The following RSRC1 variants were observed in gnomAD, a reference collection of about 807,000 sequenced individuals.
RSRC1 encodes the protein arginine and serine rich coiled-coil 1, also known as serine/Arginine-related protein 53.
RSRC1 carries 39 observed loss-of-function variants against 49.1 expected under a neutral mutation model. The ratio of observed to expected loss-of-function variants is 0.79; its 90% CI spans 0.61 to 1.04. The LOEUF is 1.04. Among genes scored for constraint, RSRC1 ranks in the 50% least tolerant of loss-of-function variants. RSRC1 has a pLI of 0.00. For missense variants in RSRC1, 388 were observed against 402.4 expected (o/e 0.96, Z 0.31); for synonymous variants, 143 against 130.8 (o/e 1.09, Z -0.63).
intron 7 of RSRC1, among the ~76,000 whole-genome samples, chr3:158,526,230 A>C (rs530134063): frequency 2.0e-5 from 3 of 152,084 alleles, no homozygotes; most frequent in Non-Finnish European, 4.4e-5. Context: ...AAAGTTGTAC[A>C]TAAAATTGAT....
chr3:158,494,266 T>C (rs9810114), intron 7 of RSRC1, among the ~76,000 whole-genome samples: 77,937 of 151,748 alleles, frequency 0.51, 20,537 homozygotes, highest in African/African-American at 0.62. Context: ...GCATTCATAA[T>C]GCACTGGTAA....
chr3:158,456,910 T>C (rs974405143), intron 6 of RSRC1, among the ~76,000 whole-genome samples: 5 of 152,154 alleles, frequency 3.3e-5, no homozygotes, highest in Non-Finnish European at 5.9e-5. Flanking sequence ...TTAAATGGTA[T>C]GTGAAGGATT....
In RSRC1 at chr3:158,270,247, A is replaced by G. The variant is rs572328480; in HGVS notation, c.495-27792A>G. 2.6e-5 allele frequency among the ~76,000 whole-genome samples: 4 copies of G among 152,284 alleles called. No homozygotes were observed. In the South Asian group the frequency reaches 8.3e-4, roughly 32 times the overall value. ...GCTGTGTTTGCTTAAAGCTAACCCC[A>G]GGGATCTAATAAGGGAAGGAGGCTG... On this transcript the variant is annotated intron_variant, in intron 4 of 9. Transcript: ENST00000611884.
intron 8 of RSRC1, among the ~76,000 whole-genome samples, chr3:158,540,400 A>G (rs1231687235): frequency 2.0e-5 from 3 of 152,206 alleles, no homozygotes; most frequent in Admixed American, 1.3e-4. Context: ...ACATTTGAAA[A>G]TAATTTATAG....
chr3:158,210,638 C>T (rs1211077415), intron 4 of RSRC1, among the ~76,000 whole-genome samples: 1 of 151,850 alleles, frequency 6.6e-6, no homozygotes. Flanking sequence ...TGTTGTTGGC[C>T]ATTTTATATT....
chr3:158,192,622 C>T (rs1300201310), intron 3 of RSRC1, among the ~76,000 whole-genome samples: 9 of 151,996 alleles, frequency 5.9e-5, no homozygotes, highest in African/African-American at 2.2e-4. Context: ...AAAATGTGAT[C>T]AGACTCTGCT....
chr3:158,118,159 G>A (rs1714972197), intron 1 of RSRC1, among the ~76,000 whole-genome samples: 5 of 151,838 alleles, frequency 3.3e-5, no homozygotes, highest in African/African-American at 1.2e-4. Flanking sequence ...CATGTTGGCG[G>A]GGCTGGTCTC....
chr3:158,210,901 A>G (rs1721636218), intron 4 of RSRC1, among the ~76,000 whole-genome samples: 1 of 152,066 alleles, frequency 6.6e-6, no homozygotes, highest in Non-Finnish European at 1.5e-5. Flanking sequence ...GACTTGAATT[A>G]TGCCTGATAA....
chr3:158,309,690 A>G (rs1728026102), intron 5 of RSRC1, among the ~76,000 whole-genome samples: 1 of 151,772 alleles, frequency 6.6e-6, no homozygotes, highest in Non-Finnish European at 1.5e-5. Flanking sequence ...GCATAATTTT[A>G]TTTATATATT....
chr3:158,461,276 A>G (rs1737597294), intron 7 of RSRC1, among the ~76,000 whole-genome samples: 1 of 151,838 alleles, frequency 6.6e-6, no homozygotes, highest in Non-Finnish European at 1.5e-5. Context: ...TCTGACTTTT[A>G]TAGTTAAAAA....
At chr3:158,280,813 A>G (rs1397222561) in intron 4 of RSRC1, among the ~76,000 whole-genome samples, 1 of 151,664 alleles carries the variant, frequency 6.6e-6, no homozygotes, top group African/African-American at 2.4e-5. Flanking sequence ...CGCCCTGCCA[A>G]TTTTTTGTAT....
At chr3:158,265,289 A>C (rs929530979) in intron 4 of RSRC1, among the ~76,000 whole-genome samples, 1 of 152,180 alleles carries the variant, frequency 6.6e-6, no homozygotes, top group East Asian at 1.9e-4. Flanking sequence ...GCAGAAGTAT[A>C]AATGTGTTCT....
intron 7 of RSRC1, among the ~76,000 whole-genome samples, chr3:158,514,740 G>A (rs927382777): frequency 2.6e-5 from 4 of 152,052 alleles, no homozygotes; most frequent in African/African-American, 9.7e-5. Context: ...CATTATTAAT[G>A]TGTGGGAGTC....
intron 5 of RSRC1, among the ~76,000 whole-genome samples, chr3:158,319,375 G>T (rs984533034): frequency 6.6e-6 from 1 of 152,040 alleles, no homozygotes; most frequent in African/African-American, 2.4e-5. Flanking sequence ...GTTTCCTGAG[G>T]CCTCCCCAGC....
intron 1 of RSRC1, among the ~76,000 whole-genome samples, chr3:158,113,961 A>G (rs1057137018): frequency 2.0e-5 from 3 of 151,928 alleles, no homozygotes; most frequent in African/African-American, 7.3e-5. Flanking sequence ...GTTCGTTCTG[A>G]TGATAATTTC....
intron 5 of RSRC1, among the ~76,000 whole-genome samples, chr3:158,300,790 G>T (rs1727499923): frequency 6.6e-6 from 1 of 152,232 alleles, no homozygotes; most frequent in Admixed American, 6.5e-5. Flanking sequence ...AGAGAGCATT[G>T]TTCTAAGGGG....
intron 2 of RSRC1, among the ~76,000 whole-genome samples, chr3:158,123,014 A>G (rs990888417): frequency 2.6e-5 from 4 of 152,030 alleles, no homozygotes; most frequent in African/African-American, 7.3e-5. Context: ...AGCCTTTGCT[A>G]TTGTGAACAG....
intron 1 of RSRC1, among the ~76,000 whole-genome samples, chr3:158,120,257 C>T (rs77952659): frequency 0.025 from 3,853 of 152,138 alleles, 76 homozygotes; most frequent in Non-Finnish European, 0.038. Flanking sequence ...ACCAAGTCTT[C>T]CCAGTGTTTT....
At chr3:158,421,216 C>T (rs928280325) in intron 6 of RSRC1, among the ~76,000 whole-genome samples, 5 of 151,754 alleles carry the variant, frequency 3.3e-5, no homozygotes, top group African/African-American at 1.2e-4. Flanking sequence ...GTAAGATGAT[C>T]GAGAATGGTC....
Sources: allele counts gnomAD v4.1 joint callset (sites outside exome capture counted in the v4.1 genomes callset), GRCh38; gene constraint gnomAD v4.1.1; transcripts MANE v1.5; gene names NCBI Gene and HGNC (gene_info 2026-07-23, HGNC 2026-07-21).